Variants in ZFYVE1 observed in about 807,000 individuals in gnomAD.
ZFYVE1 encodes the protein zinc finger FYVE-type containing 1.
Under a neutral mutation model 74.4 loss-of-function variants are expected in ZFYVE1, and 30 were observed. The observed-to-expected ratio is 0.40, with a 90% CI of 0.30 to 0.55. The LOEUF (loss-of-function observed/expected upper bound fraction) is 0.55, where lower values mean the gene tolerates loss of function less well. Ranked by LOEUF, ZFYVE1 falls within the 20% of genes least tolerant of loss-of-function variation. The pLI is 0.42. For synonymous variants in ZFYVE1, 335 were observed against 385.1 expected (o/e 0.87, Z 1.52); for missense variants, 703 against 1,011.6 (o/e 0.69, Z 4.14).
At chr14:73,015,531 A>T (rs1894184762) in intron 2 of ZFYVE1, among the ~76,000 whole-genome samples, 1 of 151,998 alleles carries the variant, frequency 6.6e-6, no homozygotes, top group Non-Finnish European at 1.5e-5. Flanking sequence ...AGCTGGGACT[A>T]CAGGTGCCTG....
chr14:72,994,345 A>G (rs920766528), intron 3 of ZFYVE1, among the ~76,000 whole-genome samples: 6 of 150,826 alleles, frequency 4.0e-5, no homozygotes, highest in Non-Finnish European at 1.5e-5. Flanking sequence ...AAAAAAAAAA[A>G]AAAAGTAAGA....
intron 4 of ZFYVE1, among the ~76,000 whole-genome samples, chr14:72,992,305 T>C (rs1893631874): frequency 6.6e-6 from 1 of 152,160 alleles, no homozygotes; most frequent in Non-Finnish European, 1.5e-5. Flanking sequence ...CGATTTTATT[T>C]GTTGAGAGGC....
At chr14:72,994,842 T>C (rs1893707979) in intron 3 of ZFYVE1, among the ~76,000 whole-genome samples, 1 of 152,204 alleles carries the variant, frequency 6.6e-6, no homozygotes, top group African/African-American at 2.4e-5. Context: ...ATCCTGTGGA[T>C]ATACTTAACT....
intron 8 of ZFYVE1, among the ~76,000 whole-genome samples, chr14:72,977,268 G>A (rs1893197961): frequency 6.6e-6 from 1 of 151,934 alleles, no homozygotes; most frequent in Non-Finnish European, 1.5e-5. Context: ...TTAGCCGGGC[G>A]TGGCGGTCGT....
intron 2 of ZFYVE1, among the ~76,000 whole-genome samples, chr14:73,000,917 T>A (rs1043642442): frequency 2.0e-5 from 3 of 152,216 alleles, no homozygotes; most frequent in African/African-American, 7.2e-5. Context: ...CTTCCACCCC[T>A]TGCTTCAATA....
intron 4 of ZFYVE1, among the ~76,000 whole-genome samples, chr14:72,989,457 G>A (rs943666988): frequency 2.0e-5 from 3 of 152,262 alleles, no homozygotes; most frequent in East Asian, 1.9e-4. Flanking sequence ...GACTGAGGAG[G>A]GGGGAGGTAG....
chr14:73,020,952 T>C (rs1326728074), intron 2 of ZFYVE1, among the ~76,000 whole-genome samples: 1 of 152,150 alleles, frequency 6.6e-6, no homozygotes, highest in Non-Finnish European at 1.5e-5. Context: ...CCGGCTGCTC[T>C]AGAACTCCTG....
intron 4 of ZFYVE1, among the ~76,000 whole-genome samples, chr14:72,992,622 CCG>C (rs71109775): frequency 0.013 from 1,520 of 112,990 alleles, 198 homozygotes; most frequent in African/African-American, 0.048. Context: ...GGTGCCCCCC[CCG>C]CCCCTTGCAA....
chr14:73,024,583 G>A lies in ZFYVE1; in HGVS notation c.-75C>T. The A allele has an allele frequency of 6.6e-7, 1 of 1,512,538 alleles. No individual in the cohort carries two copies. Among genetic ancestry groups the A allele is most frequent in the Non-Finnish European group, 8.8e-7 (1 of 1,131,510 alleles). The allele number at this position is 1,512,538 out of a possible 1,614,324, so 93.7% of individuals were successfully genotyped here. Reference sequence around the variant, plus strand: ...GCCCCGGGGGTGAAGACGAAGATTTGAGTCTGAAGACTGCACGAAACTTCC... The same window carrying A: ...GCCCCGGGGGTGAAGACGAAGATTTAAGTCTGAAGACTGCACGAAACTTCC... On this transcript the variant is annotated 5_prime_UTR_variant, in exon 2 of 12. Coordinates refer to ENST00000556143, the MANE Select transcript of ZFYVE1 (RefSeq NM_021260.4).
chr14:73,012,958 C>T (rs1317585027), intron 2 of ZFYVE1, among the ~76,000 whole-genome samples: 2 of 152,252 alleles, frequency 1.3e-5, no homozygotes, highest in Non-Finnish European at 2.9e-5. Flanking sequence ...CTAGGATACT[C>T]TTTGAATTCT....
rs918352461 is a variant in ZFYVE1, at chr14:72,970,589, T to C, written c.*293A>G. 5 of 382,864 alleles carry C rather than the reference T, an allele frequency of 1.3e-5. No homozygotes were observed. The highest frequency in any genetic ancestry group is 2.4e-5 in the Non-Finnish European group (5 of 210,030). The allele number at this position is 382,864 out of a possible 1,614,324, so 23.7% of individuals were successfully genotyped here. On this transcript the variant is annotated 3_prime_UTR_variant, in exon 12 of 12. Transcript: ENST00000556143. ...CGATACGCCCCGAGTGCCTTTCATA[T>C]GTATATATGAGAGAGAGATATACAC... is the stretch of plus-strand genomic sequence containing the variant.
At chr14:72,981,932 G>A (rs1567348164) in intron 4 of ZFYVE1, 37 bp from the exon 5 acceptor site, 4 of 1,597,198 alleles carry the variant, frequency 2.5e-6, no homozygotes, top group South Asian at 1.1e-5. Flanking sequence ...ATGGCACTCA[G>A]TAGAGAGCTC....
intron 4 of ZFYVE1, among the ~76,000 whole-genome samples, chr14:72,983,392 C>T (rs968819858): frequency 6.9e-6 from 1 of 145,812 alleles, no homozygotes; most frequent in South Asian, 2.3e-4. Context: ...TGTTCCCCCC[C>T]TTCCTGTGTC....
rs140988601 is a variant in ZFYVE1, at chr14:73,018,315, C to T, written c.483+5711G>A. Among the ~76,000 whole-genome samples the T allele has an allele frequency of 6.0e-3, 909 of 151,836 alleles. 13 individuals are homozygous for T. Among genetic ancestry groups the T allele is most frequent in the African/African-American group, 0.021 (862 of 41,406 alleles). ...GTGTGTTGATGGGTGCCTGTAATCC[C>T]ACCTACTTGGGAGGCGGAGGAAGGA... is the stretch of plus-strand genomic sequence containing the variant. On this transcript the variant is annotated intron_variant, in intron 2 of 11. Coordinates refer to ENST00000556143, the MANE Select transcript of ZFYVE1 (RefSeq NM_021260.4).
At chr14:72,974,278 G>A in intron 10 of ZFYVE1, 85 bp from the exon 11 acceptor site, 2 of 1,282,994 alleles carry the variant, frequency 1.6e-6, no homozygotes, top group South Asian at 2.5e-5. Flanking sequence ...GAACGCTTCT[G>A]GATTCTGATC....
At position 72,977,955 on chromosome 14, in the gene ZFYVE1, C is replaced by T. The variant is rs935963520; in HGVS notation, c.1607G>A (p.Arg536Gln). 5 of 1,614,052 alleles carry T rather than the reference C, an allele frequency of 3.1e-6. No homozygotes were observed. Among genetic ancestry groups the T allele is most frequent in the Admixed American group, 1.7e-5 (1 of 59,992 alleles). Reference protein sequence around the residue: ...GNQDPVDTVVRTEIVHVWPGT... With the variant: ...GNQDPVDTVVQTEIVHVWPGT... ...AGGCCACACATGCACAATCTCTGTC[C>T]GCACCACCGTATCCACAGGATCTTG... is the stretch of plus-strand genomic sequence containing the variant. The change falls in exon 8 of 12, where the codon CGG becomes CAG. Residue 536 changes from arginine to glutamine, a missense_variant. Physicochemically the swap from Arg to Gln is conservative, Grantham distance 43. This residue lies in a region of ZFYVE1 where 492 missense variants were observed against 790.0 expected (regional missense o/e 0.62). Coordinates refer to ENST00000556143, the MANE Select transcript of ZFYVE1 (RefSeq NM_021260.4).
intron 5 of ZFYVE1, chr14:72,979,254 C>A (rs1893261432): frequency 3.0e-6 from 1 of 331,970 alleles, no homozygotes; most frequent in South Asian, 3.1e-5. Context: ...AATCCCAGTA[C>A]TTTGGGAGGC....
chr14:72,977,150 A>G (rs2333013), intron 8 of ZFYVE1, among the ~76,000 whole-genome samples: 68,791 of 152,136 alleles, frequency 0.45, 15,883 homozygotes, highest in Middle Eastern at 0.52. Flanking sequence ...GCTCACGCCC[A>G]TAATCCCAGC....
chr14:72,983,073 GGCCTCAGGTGATCCACCC>G (rs1414380760), intron 4 of ZFYVE1, among the ~76,000 whole-genome samples: 1 of 152,102 alleles, frequency 6.6e-6, no homozygotes, highest in African/African-American at 2.4e-5. Context: ...TTGAACTCCA[GGCCTCAGGTGATCCACCC>G]GCCTCGGCCT....
Sources: allele counts gnomAD v4.1 joint callset (sites outside exome capture counted in the v4.1 genomes callset), GRCh38; gene constraint gnomAD v4.1.1; regional missense constraint gnomAD v4.1.1; transcripts MANE v1.5; gene names NCBI Gene and HGNC (gene_info 2026-07-23, HGNC 2026-07-21).